The following TMEM266 variants were observed in gnomAD, a reference collection of about 807,000 sequenced individuals.
TMEM266 encodes the protein Hv1 related protein 1.
Under a neutral mutation model 50.5 loss-of-function variants are expected in TMEM266, and 33 were observed. That is an observed-to-expected ratio of 0.65 (90% confidence interval 0.50 to 0.87). TMEM266 has a LOEUF of 0.87. TMEM266 is among the 40% of genes least tolerant of loss of function. TMEM266 has a pLI of 0.00. For missense variants in TMEM266, 655 were observed against 695.1 expected (o/e 0.94, Z 0.65); for synonymous variants, 310 against 292.3 (o/e 1.06, Z -0.62).
intron 3 of TMEM266, 22 bp downstream of exon 3, chr15:76,137,917 C>T (rs758292920): frequency 1.3e-6 from 2 of 1,535,528 alleles, no homozygotes; most frequent in East Asian, 2.3e-5. Flanking sequence ...GACCATTGAG[C>T]TAGCTAAGAA....
At chr15:76,081,307 C>T (rs1464577341) in intron 1 of TMEM266, among the ~76,000 whole-genome samples, 7 of 152,194 alleles carry the variant, frequency 4.6e-5, no homozygotes, top group Non-Finnish European at 8.8e-5. Context: ...CTTATCCTTC[C>T]GTTTCCAATA....
At chr15:76,077,591 T>C (rs553397567) in intron 1 of TMEM266, among the ~76,000 whole-genome samples, 16 of 152,162 alleles carry the variant, frequency 1.1e-4, no homozygotes, top group African/African-American at 3.9e-4. Flanking sequence ...GTAAATACCA[T>C]CACAAGAGTC....
chr15:76,090,243 G>T lies in TMEM266; in HGVS notation c.-97+30227G>T, dbSNP rs544428083. Among the ~76,000 whole-genome samples, 3 of 152,202 alleles carry T rather than the reference G, an allele frequency of 2.0e-5. No homozygotes were observed. The South Asian group carries it at 6.2e-4, about 32-fold the overall frequency. On this transcript the variant is annotated intron_variant, in intron 1 of 10. Coordinates refer to ENST00000388942, the MANE Select transcript of TMEM266 (RefSeq NM_152335.3). ...ATGATGGCTCACTCCTATAGTCCCA[G>T]CACTTTGGGAGGCTGAGGTGGGTGG...
In TMEM266 at chr15:76,139,870, C is replaced by T. The variant is rs74917523; in HGVS notation, c.227+1975C>T. On this transcript the variant is annotated intron_variant, in intron 3 of 10. Transcript: ENST00000388942. This position sits in a 1 kb window ranked among gnomAD's most constrained non-coding sequence, Gnocchi z 4.1. ...GCCCCCTGTGCGTGTTACGGCACCG[C>T]GGGTGGACCTTGCTATGGGTGTTCC... Among the ~76,000 whole-genome samples the T allele has an allele frequency of 6.7e-4, 102 of 152,310 alleles. No homozygotes were observed. Among genetic ancestry groups the T allele is most frequent in the African/African-American group, 2.2e-3 (92 of 41,560 alleles).
At chr15:76,085,297 G>A (rs373867436) in intron 1 of TMEM266, among the ~76,000 whole-genome samples, 10 of 146,098 alleles carry the variant, frequency 6.8e-5, no homozygotes, top group Admixed American at 4.9e-4. Context: ...TTGCTCTGTC[G>A]CCTAGGCTGT....
chr15:76,107,832 C>T (rs2037106925), intron 1 of TMEM266, among the ~76,000 whole-genome samples: 1 of 152,188 alleles, frequency 6.6e-6, no homozygotes, highest in African/African-American at 2.4e-5. Flanking sequence ...CTAGAACCCA[C>T]ACTGCTGATT....
intron 1 of TMEM266, among the ~76,000 whole-genome samples, chr15:76,093,392 G>C (rs1240843274): frequency 6.6e-6 from 1 of 151,180 alleles, no homozygotes; most frequent in Non-Finnish European, 1.5e-5. Flanking sequence ...TGCGGTGTTT[G>C]ATTTTCTGTT....
intron 3 of TMEM266, among the ~76,000 whole-genome samples, chr15:76,142,109 C>A (rs1390340023): frequency 6.6e-6 from 1 of 152,204 alleles, no homozygotes; most frequent in Non-Finnish European, 1.5e-5. Context: ...TGCTTTCAGG[C>A]CGGGTGCAGT....
intron 1 of TMEM266, among the ~76,000 whole-genome samples, chr15:76,117,903 C>T (rs1381220360): frequency 6.6e-6 from 1 of 152,224 alleles, no homozygotes; most frequent in Non-Finnish European, 1.5e-5. Flanking sequence ...GGTGGAAACA[C>T]AGGTTCCTGA....
At chr15:76,194,744 G>C (rs532982743) in intron 9 of TMEM266, among the ~76,000 whole-genome samples, 1 of 152,122 alleles carries the variant, frequency 6.6e-6, no homozygotes. Context: ...TGCACATGGC[G>C]TCCTCTCTAT....
intron 1 of TMEM266, among the ~76,000 whole-genome samples, chr15:76,079,267 C>T (rs1025033085): frequency 4.7e-5 from 7 of 150,120 alleles, no homozygotes; most frequent in Non-Finnish European, 8.9e-5. Context: ...GCTGGAGAAT[C>T]GCTTGAACCC....
intron 3 of TMEM266, among the ~76,000 whole-genome samples, chr15:76,150,913 A>G (rs575689874): frequency 5.3e-5 from 8 of 152,360 alleles, no homozygotes; most frequent in Admixed American, 2.0e-4. Context: ...ACCTAAGACT[A>G]TGAAGCAGAA....
At chr15:76,177,787 G>A (rs748871197) in intron 8 of TMEM266, among the ~76,000 whole-genome samples, 24 of 152,306 alleles carry the variant, frequency 1.6e-4, no homozygotes, top group African/African-American at 3.9e-4. Context: ...GGCTTGTGCC[G>A]GGCATGTGGA....
chr15:76,064,263 A>T (rs969523854), intron 1 of TMEM266, among the ~76,000 whole-genome samples: 2 of 152,282 alleles, frequency 1.3e-5, no homozygotes, highest in Middle Eastern at 6.8e-3. Flanking sequence ...AACATTAAAT[A>T]CCTGTTGGTG....
intron 9 of TMEM266, among the ~76,000 whole-genome samples, chr15:76,197,182 A>G (rs553735271): frequency 6.6e-6 from 1 of 152,162 alleles, no homozygotes; most frequent in Non-Finnish European, 1.5e-5. Context: ...GCTGATCATG[A>G]AGGCAAGGCT....
chr15:76,086,935 G>A (rs1465157422), intron 1 of TMEM266, among the ~76,000 whole-genome samples: 7 of 151,338 alleles, frequency 4.6e-5, no homozygotes, highest in Non-Finnish European at 8.8e-5. Context: ...GGTCGGGGGG[G>A]GGGCGGTGGT....
chr15:76,100,226 T>C (rs1463797903), intron 1 of TMEM266, among the ~76,000 whole-genome samples: 2 of 152,204 alleles, frequency 1.3e-5, no homozygotes, highest in African/African-American at 4.8e-5. Context: ...CCTCTGCAGG[T>C]CGGACTAGAG....
At chr15:76,108,523 T>C (rs1304594548) in intron 1 of TMEM266, among the ~76,000 whole-genome samples, 1 of 152,212 alleles carries the variant, frequency 6.6e-6, no homozygotes, top group Non-Finnish European at 1.5e-5. Flanking sequence ...AGGATTTGCA[T>C]TTCTAATGAG....
At chr15:76,112,181 T>A (rs555904325) in intron 1 of TMEM266, 1 of 152,348 alleles carries the variant, frequency 6.6e-6, no homozygotes, top group African/African-American at 2.4e-5. Flanking sequence ...TATTTAGGAC[T>A]ATAGCTCTAC....
Sources: gnomAD v4.1 joint callset for allele counts (sites outside exome capture counted in the v4.1 genomes callset) on GRCh38, gnomAD v4.1.1 for gene constraint, Gnocchi (gnomAD v3.1) non-coding constraint, MANE v1.5 for transcripts, NCBI Gene and HGNC (gene_info 2026-07-23, HGNC 2026-07-21) for gene names.